The following FAM184B variants were observed in gnomAD, a reference collection of about 807,000 sequenced individuals.
FAM184B encodes the protein protein FAM184B.
Under a neutral mutation model 135.9 loss-of-function variants are expected in FAM184B, and 111 were observed. That is an observed-to-expected ratio of 0.82 (90% CI 0.70 to 0.96). The LOEUF is 0.96. Among genes scored for constraint, FAM184B ranks in the 40% least tolerant of loss-of-function variants. FAM184B has a pLI of 0.00. For missense variants in FAM184B, 1,375 were observed against 1,323.9 expected, an observed-to-expected ratio of 1.04 and a Z score of -0.60; for synonymous variants, 552 against 524.8, an observed-to-expected ratio of 1.05 and a Z score of -0.71.
intron 11 of FAM184B, among the ~76,000 whole-genome samples, chr4:17,648,214 G>A (rs986117002): frequency 1.3e-5 from 2 of 152,140 alleles, no homozygotes; most frequent in Non-Finnish European, 2.9e-5. Context: ...TGAGCCCAGG[G>A]CATTCTGTGA....
intron 1 of FAM184B, among the ~76,000 whole-genome samples, chr4:17,760,731 G>C (rs1002421101): frequency 2.6e-5 from 4 of 152,126 alleles, no homozygotes; most frequent in African/African-American, 4.8e-5. Flanking sequence ...GAAAATGGGA[G>C]TCTGATCCCT....
At position 17,658,433 on chromosome 4, in the gene FAM184B, T is replaced by A; in HGVS notation, c.1954A>T (p.Asn652Tyr). ...TCGAGCTGGGCTTTCATGGCGTGGT[T>A]CTGCTGAGTGGTCTCCTGGAGCTCA... is the stretch of plus-strand genomic sequence containing the variant. ...QRELQETTQQ[N>Y]HAMKAQLEAS... The change falls in exon 10 of 18, where the codon AAC (asparagine) becomes TAC (tyrosine). Residue 652 changes from asparagine (N) to tyrosine (Y), a missense_variant. By Grantham distance (143) the Asn-to-Tyr change is moderately radical. Coordinates refer to ENST00000265018, the MANE Select transcript of FAM184B (RefSeq NM_015688.2). The A allele has an allele frequency of 6.4e-7, 1 of 1,551,630 alleles. No homozygotes were observed. The highest frequency in any genetic ancestry group is 1.2e-5 in the South Asian group (1 of 84,056).
intron 11 of FAM184B, among the ~76,000 whole-genome samples, chr4:17,651,537 C>CAAAAAAAAAAAAAA (rs751455835): frequency 4.6e-5 from 2 of 43,110 alleles, no homozygotes; most frequent in African/African-American, 1.0e-4. Context: ...GACTCTGTCT[C>CAAAAAAAAAAAAAA]AAAAAAAAAA....
At chr4:17,730,445 C>T (rs560633059) in intron 1 of FAM184B, among the ~76,000 whole-genome samples, 329 of 152,200 alleles carry the variant, frequency 2.2e-3, no homozygotes, top group Middle Eastern at 0.014. Flanking sequence ...AGAAGAGCAA[C>T]TCCAAGACAC....
At chr4:17,721,001 T>C (rs1478496613) in intron 1 of FAM184B, among the ~76,000 whole-genome samples, 1 of 152,028 alleles carries the variant, frequency 6.6e-6, no homozygotes, top group Non-Finnish European at 1.5e-5. Context: ...ATAAATTACA[T>C]GCAGGTGAAA....
chr4:17,725,732 G>A (rs902021028), intron 1 of FAM184B, among the ~76,000 whole-genome samples: 4 of 152,124 alleles, frequency 2.6e-5, no homozygotes, highest in African/African-American at 9.7e-5. Context: ...GGCAGAAAGT[G>A]GCATTTAGTA....
At chr4:17,741,782 A>C (rs937461904) in intron 1 of FAM184B, among the ~76,000 whole-genome samples, 1 of 152,206 alleles carries the variant, frequency 6.6e-6, no homozygotes, top group Admixed American at 6.5e-5. Flanking sequence ...TGGGTTAAAT[A>C]GCCCACTCAC....
At chr4:17,744,326 A>C (rs999226628) in intron 1 of FAM184B, among the ~76,000 whole-genome samples, 9 of 152,086 alleles carry the variant, frequency 5.9e-5, no homozygotes, top group Non-Finnish European at 1.2e-4. Context: ...AAATCTGCCT[A>C]CTACACCAAG....
chr4:17,640,701 G>T lies in FAM184B; in HGVS notation c.2520-1305C>A, dbSNP rs143051807. Among the ~76,000 whole-genome samples the T allele has an allele frequency of 3.7e-3, 558 of 152,264 alleles. 6 individuals carry two copies. The highest frequency in any genetic ancestry group is 0.025 in the South Asian group (119 of 4,826). ...ACGAATTCTTTGAAAGATACAAACT[G>T]CTAAAGCTCACTTAAGAAATAGATA... On this transcript the variant is annotated intron_variant, in intron 13 of 17. Transcript: ENST00000265018.
Position 17,660,051 on chromosome 4 carries a change from T to C in FAM184B, c.1731A>G (p.Gln577=). 1 of 1,551,332 alleles carries C rather than the reference T, an allele frequency of 6.4e-7. No individual in the cohort carries two copies. The highest frequency in any genetic ancestry group is 1.2e-5 in the South Asian group (1 of 84,046). The change falls in exon 9 of 18, where the codon CAA becomes CAG. Residue 577 remains glutamine (Q), a synonymous_variant. Transcript: ENST00000265018. ...KVLLKEGSDP[Q]PPLGSLLKEK... is the part of the protein sequence containing the mutation. ...CCTTCAACAAAGAGCCCAGTGGAGG[T>C]TGTGGGTCACTTCCCTCCTTGAGAA...
chr4:17,645,328 A>T (rs1715437155), intron 12 of FAM184B, among the ~76,000 whole-genome samples: 1 of 152,200 alleles, frequency 6.6e-6, no homozygotes, highest in African/African-American at 2.4e-5. Context: ...TTCAAACTAT[A>T]CTACAAGGCC....
At chr4:17,682,730 C>T (rs1007293102) in intron 7 of FAM184B, among the ~76,000 whole-genome samples, 1 of 152,092 alleles carries the variant, frequency 6.6e-6, no homozygotes, top group Non-Finnish European at 1.5e-5. Context: ...AACTCCTGGC[C>T]TCAAGTGATC....
At chr4:17,766,133 G>T in intron 1 of FAM184B, among the ~76,000 whole-genome samples, 1 of 152,358 alleles carries the variant, frequency 6.6e-6, no homozygotes, top group East Asian at 1.9e-4. Context: ...TAACCAGGTT[G>T]CCATTGCTGG....
At chr4:17,689,914 C>T (rs1050889535) in intron 6 of FAM184B, among the ~76,000 whole-genome samples, 3 of 151,886 alleles carry the variant, frequency 2.0e-5, no homozygotes, top group Admixed American at 6.6e-5. Context: ...TTTGGGAGGC[C>T]GAGGTGGACA....
intron 3 of FAM184B, 142 bp downstream of exon 3, chr4:17,707,507 G>T: frequency 5.9e-6 from 6 of 1,014,216 alleles, no homozygotes; most frequent in Non-Finnish European, 8.5e-6. Context: ...TGCAGGGATT[G>T]GTCTCACCCA....
At chr4:17,633,027 A>G in intron 17 of FAM184B, 1 of 158,206 alleles carries the variant, frequency 6.3e-6, no homozygotes, top group Non-Finnish European at 1.4e-5. Flanking sequence ...CGTTCAAGCG[A>G]TCATTGTGCC....
chr4:17,689,851 G>T (rs1560177109), intron 6 of FAM184B, among the ~76,000 whole-genome samples: 1 of 151,930 alleles, frequency 6.6e-6, no homozygotes, highest in African/African-American at 2.4e-5. Context: ...CTACTGCACA[G>T]AATTTACAGC....
intron 5 of FAM184B, among the ~76,000 whole-genome samples, chr4:17,701,594 C>T (rs932881879): frequency 6.6e-6 from 1 of 152,196 alleles, no homozygotes; most frequent in African/African-American, 2.4e-5. Context: ...AGACTGCCTG[C>T]AGCTTGAGCA....
chr4:17,739,905 G>T (rs190247271), intron 1 of FAM184B, among the ~76,000 whole-genome samples: 2 of 152,112 alleles, frequency 1.3e-5, no homozygotes, highest in East Asian at 3.9e-4. Flanking sequence ...TTATCTAAGA[G>T]GCGAATGCAC....
Sources: allele counts gnomAD v4.1 joint callset (sites outside exome capture counted in the v4.1 genomes callset), GRCh38; gene constraint gnomAD v4.1.1; transcripts MANE v1.5; gene names NCBI Gene and HGNC (gene_info 2026-07-23, HGNC 2026-07-21).